The following NT5C3A variants were observed in gnomAD, a reference collection of about 807,000 sequenced individuals.
NT5C3A encodes 5'-nucleotidase, cytosolic IIIA.
In NT5C3A, 23 loss-of-function variants were observed where a neutral mutation model predicts 40.0. The observed-to-expected ratio is 0.58, with a 90% confidence interval of 0.41 to 0.81. The LOEUF (loss-of-function observed/expected upper bound fraction) is 0.81, where lower values mean the gene tolerates loss of function less well. Among genes scored for constraint, NT5C3A ranks in the 40% least tolerant of loss-of-function variants. The pLI, the probability that NT5C3A is intolerant of heterozygous loss-of-function variation, is 0.00. For synonymous variants in NT5C3A, 130 were observed against 141.4 expected (o/e 0.92, Z 0.57); for missense variants, 328 against 403.0 (o/e 0.81, Z 1.59).
At chr7:33,033,216 A>G (rs1361616847) in intron 1 of NT5C3A, among the ~76,000 whole-genome samples, 1 of 152,234 alleles carries the variant, frequency 6.6e-6, no homozygotes, top group Non-Finnish European at 1.5e-5. Context: ...AGACTTCATT[A>G]CTGCAGTGGT....
At chr7:33,020,352 C>A (rs1417474040) in intron 5 of NT5C3A, among the ~76,000 whole-genome samples, 1 of 152,162 alleles carries the variant, frequency 6.6e-6, no homozygotes, top group Non-Finnish European at 1.5e-5. Flanking sequence ...CTATAATATT[C>A]CTAAGTCACC....
chr7:33,019,825 C>T (rs1045658258), intron 5 of NT5C3A, 101 bp from the exon 6 acceptor site: 2 of 741,022 alleles, frequency 2.7e-6, no homozygotes, highest in African/African-American at 3.5e-5. Flanking sequence ...ATCTGTTCCT[C>T]ATATTTGGAT....
At chr7:33,037,032 G>A (rs932456172) in intron 1 of NT5C3A, among the ~76,000 whole-genome samples, 3 of 152,140 alleles carry the variant, frequency 2.0e-5, no homozygotes, top group East Asian at 1.9e-4. Flanking sequence ...GGATGGCCTC[G>A]ATCTCCTGAC....
chr7:33,049,032 G>A (rs998216559), intron 1 of NT5C3A, among the ~76,000 whole-genome samples: 43 of 152,144 alleles, frequency 2.8e-4, no homozygotes, highest in Admixed American at 2.6e-3. Flanking sequence ...TAACTACTAC[G>A]TGGTAAGCAC....
Position 33,014,850 on chromosome 7 carries a change from A to G in NT5C3A, c.895-19T>C. 6.3e-7 allele frequency: 1 copy of G among 1,597,594 alleles called. No homozygotes were observed. The highest frequency in any genetic ancestry group is 8.6e-7 in the Non-Finnish European group (1 of 1,168,192). Reference sequence around the variant, plus strand: ...CATCCACCTAATCAAGAGATGAACAAAAGAAAATTAACATGCAGGGCAAAG... The same window carrying G: ...CATCCACCTAATCAAGAGATGAACAGAAGAAAATTAACATGCAGGGCAAAG... On this transcript the variant is annotated intron_variant, in intron 8 of 8. Transcript: ENST00000610140.
At chr7:33,023,228 T>A (rs747328511) in intron 3 of NT5C3A, among the ~76,000 whole-genome samples, 26 of 152,048 alleles carry the variant, frequency 1.7e-4, no homozygotes, top group Admixed American at 2.6e-4. Context: ...AGCATTTTTT[T>A]AATACAAGTT....
At chr7:33,045,604 C>T (rs1411356468) in intron 1 of NT5C3A, among the ~76,000 whole-genome samples, 2 of 151,880 alleles carry the variant, frequency 1.3e-5, no homozygotes, top group African/African-American at 2.4e-5. Context: ...GGACTACAGG[C>T]GTGCGCCACC....
At chr7:33,053,925 T>A (rs1268878973) in intron 1 of NT5C3A, among the ~76,000 whole-genome samples, 1 of 152,172 alleles carries the variant, frequency 6.6e-6, no homozygotes, top group Non-Finnish European at 1.5e-5. Context: ...TGTGGTTAAC[T>A]TGTGGCATAT....
chr7:33,039,058 G>A (rs1288347683), intron 1 of NT5C3A, among the ~76,000 whole-genome samples: 1 of 152,138 alleles, frequency 6.6e-6, no homozygotes, highest in African/African-American at 2.4e-5. Context: ...CTATAGCAGA[G>A]TTCTTTACAA....
intron 1 of NT5C3A, among the ~76,000 whole-genome samples, chr7:33,041,386 C>T (rs1347225186): frequency 1.3e-5 from 2 of 152,064 alleles, no homozygotes; most frequent in African/African-American, 2.4e-5. Flanking sequence ...CTGGAGTGGA[C>T]AGTGGTTATG....
chr7:33,058,640 C>T (rs965035158), intron 1 of NT5C3A, among the ~76,000 whole-genome samples: 2 of 152,324 alleles, frequency 1.3e-5, no homozygotes, highest in East Asian at 1.9e-4. Context: ...CGGGAGCCGC[C>T]GCGCCTGGCC....
intron 1 of NT5C3A, among the ~76,000 whole-genome samples, chr7:33,046,465 G>T (rs140930368): frequency 2.0e-5 from 3 of 152,012 alleles, no homozygotes; most frequent in African/African-American, 7.2e-5. Flanking sequence ...CTTCAGCCCA[G>T]AAGGTAGAGG....
chr7:33,025,264 C>T (rs893117920), intron 2 of NT5C3A, among the ~76,000 whole-genome samples: 1 of 152,230 alleles, frequency 6.6e-6, no homozygotes, highest in African/African-American at 2.4e-5. Flanking sequence ...TTTCGACCAA[C>T]TTGGTCAATG....
At chr7:33,019,762 A>G in intron 5 of NT5C3A, 38 bp from the exon 6 acceptor site, 1 of 1,041,100 alleles carries the variant, frequency 9.6e-7, no homozygotes, top group Non-Finnish European at 1.5e-6. Flanking sequence ...ACTATCAATT[A>G]AGACAAACTA....
At chr7:33,030,852 C>A (rs1281060880) in intron 1 of NT5C3A, among the ~76,000 whole-genome samples, 2 of 152,088 alleles carry the variant, frequency 1.3e-5, no homozygotes, top group African/African-American at 2.4e-5. Flanking sequence ...GTAATCCCAG[C>A]ACTTTGGGAG....
intron 1 of NT5C3A, among the ~76,000 whole-genome samples, chr7:33,051,425 G>A (rs1375568340): frequency 6.6e-6 from 1 of 152,184 alleles, no homozygotes. Flanking sequence ...GCCTCCCAAA[G>A]TGCTGGGATT....
chr7:33,041,191 A>C, intron 1 of NT5C3A: 2 of 964,442 alleles, frequency 2.1e-6, no homozygotes, highest in Non-Finnish European at 2.5e-6. Flanking sequence ...TAACACTTAA[A>C]AACATTCCTT....
rs1351718399 is a variant in NT5C3A, at chr7:33,014,547, G to C, written c.*183C>G. ...GGTTAAAAGATACGGTGAGGAGTGT[G>C]TTGAGAGAGGTGGAGAAAAGGAGCT... On this transcript the variant is annotated 3_prime_UTR_variant, in exon 9 of 9. Coordinates refer to ENST00000610140, the MANE Select transcript of NT5C3A (RefSeq NM_001002010.5). The C allele has an allele frequency of 1.2e-6, 1 of 819,124 alleles. No homozygotes were observed. The highest frequency in any genetic ancestry group is 2.0e-6 in the Non-Finnish European group (1 of 508,352). The allele number at this position is 819,124 out of a possible 1,614,324, so 50.7% of individuals were successfully genotyped here.
intron 1 of NT5C3A, among the ~76,000 whole-genome samples, chr7:33,049,785 C>T (rs962489166): frequency 2.5e-4 from 38 of 151,330 alleles, no homozygotes; most frequent in African/African-American, 8.2e-4. Flanking sequence ...CTGGCTAACA[C>T]GGTGAAACCC....
Sources: allele counts gnomAD v4.1 joint callset (sites outside exome capture counted in the v4.1 genomes callset), GRCh38; gene constraint gnomAD v4.1.1; transcripts MANE v1.5; gene names NCBI Gene and HGNC (gene_info 2026-07-23, HGNC 2026-07-21).